MBD5: variants seen among roughly 807,000 people sequenced by gnomAD.
MBD5 encodes the protein methyl-CpG-binding domain protein 5.
A neutral mutation model predicts 117.3 loss-of-function variants in MBD5; 13 were observed. The observed-to-expected ratio is 0.11, with a 90% CI of 0.07 to 0.18. The LOEUF (loss-of-function observed/expected upper bound fraction) is 0.18, where lower values mean the gene tolerates loss of function less well. Ranked by LOEUF, MBD5 falls within the 10% of genes least tolerant of loss-of-function variation. The pLI is 1.00. For synonymous variants in MBD5, 727 were observed against 766.4 expected (o/e 0.95, Z 0.85); for missense variants, 1,879 against 2,093.8 (o/e 0.90, Z 2.00).
chr2:148,162,383 A>G (rs538891043), intron 1 of MBD5, among the ~76,000 whole-genome samples: 3 of 152,310 alleles, frequency 2.0e-5, no homozygotes, highest in African/African-American at 7.2e-5. Context: ...AACTCCAACT[A>G]AGACAACTAC....
At chr2:148,126,231 A>G (rs1391409597) in intron 1 of MBD5, among the ~76,000 whole-genome samples, 1 of 121,626 alleles carries the variant, frequency 8.2e-6, no homozygotes, top group East Asian at 2.6e-4. Context: ...CCTCGTTTCT[A>G]CTAAAAATAA....
At chr2:148,361,573 G>A (rs1703533547) in intron 4 of MBD5, among the ~76,000 whole-genome samples, 1 of 152,138 alleles carries the variant, frequency 6.6e-6, no homozygotes. Flanking sequence ...ACATTGCCCA[G>A]GATCTAGGCT....
Position 148,296,863 on chromosome 2 carries a change from A to ATTTTTTTTTTTTTTTTTTTTT in MBD5, c.-679-45351_-679-45350insTTTTTTTTTTTTTTTTTTTTT, listed in dbSNP as rs1559010681. On this transcript the variant is annotated intron_variant, in intron 3 of 13. Coordinates refer to ENST00000642680, the MANE Select transcript of MBD5 (RefSeq NM_001378120.1). ...TAAGCATAGTTTGCTTTAGTTCTTC[A>ATTTTTTTTTTTTTTTTTTTTT]ATTTTTTTTTTTTTTTTTTTTGGAG... 1.7e-3 allele frequency among the ~76,000 whole-genome samples: 63 copies of ATTTTTTTTTTTTTTTTTTTTT among 37,702 alleles called. 21 individuals carry two copies. Among genetic ancestry groups the ATTTTTTTTTTTTTTTTTTTTT allele is most frequent in the Non-Finnish European group, 2.7e-3 (52 of 18,968 alleles). The allele number at this position is 37,702 out of a possible 152,430, so 24.7% of individuals were successfully genotyped here. A position where few individuals can be genotyped will look rare whatever the true frequency, so the allele number is the denominator to read the frequency against.
At chr2:148,055,937 A>G (rs1349488769) in intron 1 of MBD5, 4 of 152,280 alleles carry the variant, frequency 2.6e-5, no homozygotes, top group African/African-American at 9.6e-5. Flanking sequence ...ACTCTGTTAG[A>G]AATTTCATAA....
chr2:148,195,151 GCTATA>G (rs1698948441), intron 2 of MBD5, among the ~76,000 whole-genome samples: 1 of 148,628 alleles, frequency 6.7e-6, no homozygotes, highest in South Asian at 2.1e-4. Context: ...GTAGACTCCT[GCTATA>G]CTAAATAGAA....
At chr2:148,295,015 T>G (rs1231397690) in intron 3 of MBD5, among the ~76,000 whole-genome samples, 1 of 152,236 alleles carries the variant, frequency 6.6e-6, no homozygotes, top group African/African-American at 2.4e-5. Flanking sequence ...TTGATGTGTC[T>G]GAGTATGATT....
chr2:148,178,623 A>AT (rs981418205), intron 1 of MBD5, 77 bp from the exon 2 acceptor site: 1 of 392,444 alleles, frequency 2.5e-6, no homozygotes. Flanking sequence ...AATAATTTCA[A>AT]TTTTTTTATA....
intron 1 of MBD5, among the ~76,000 whole-genome samples, chr2:148,166,098 T>A (rs1197398698): frequency 1.3e-5 from 2 of 152,168 alleles, no homozygotes; most frequent in Non-Finnish European, 2.9e-5. Flanking sequence ...ATTCTCTAAA[T>A]GTAAGAAAAA....
At chr2:148,109,571 A>G (rs1459542308) in intron 1 of MBD5, among the ~76,000 whole-genome samples, 1 of 152,222 alleles carries the variant, frequency 6.6e-6, no homozygotes, top group Non-Finnish European at 1.5e-5. Context: ...ATGAAAATAT[A>G]CAAATGATCA....
At chr2:148,389,186 G>GGTGTGTGT (rs70995313) in intron 4 of MBD5, among the ~76,000 whole-genome samples, 54 of 89,580 alleles carry the variant, frequency 6.0e-4, no homozygotes, top group Non-Finnish European at 1.0e-3. Context: ...AGTATTCCGT[G>GGTGTGTGT]GTGTGTGTGT....
At chr2:148,225,994 A>G (rs189118442) in intron 2 of MBD5, among the ~76,000 whole-genome samples, 4 of 152,088 alleles carry the variant, frequency 2.6e-5, no homozygotes, top group Admixed American at 2.6e-4. Context: ...GATATCTTTT[A>G]TAGGTTTGGG....
At chr2:148,509,316 G>T (rs572715913) in intron 12 of MBD5, among the ~76,000 whole-genome samples, 1 of 152,326 alleles carries the variant, frequency 6.6e-6, no homozygotes, top group South Asian at 2.1e-4. Flanking sequence ...CCTGATTTTA[G>T]TTCAACAGCT....
intron 12 of MBD5, chr2:148,502,871 G>C (rs1681915601): frequency 2.9e-6 from 1 of 341,166 alleles, no homozygotes; most frequent in Non-Finnish European, 5.5e-6. Flanking sequence ...CAAATACTTT[G>C]GGGAGTAAAT....
chr2:148,323,465 G>A (rs1480103089), intron 3 of MBD5, among the ~76,000 whole-genome samples: 21 of 152,136 alleles, frequency 1.4e-4, no homozygotes, highest in African/African-American at 4.8e-4. Flanking sequence ...CCCACCAACA[G>A]TGTAAAAGTG....
In MBD5 at chr2:148,154,698, G is replaced by C. The variant is rs190679362; in HGVS notation, c.-924-24002G>C. Among the ~76,000 whole-genome samples, 167 of 152,304 alleles carry C rather than the reference G, an allele frequency of 1.1e-3. 1 individual carries two copies. In the Middle Eastern group the frequency reaches 0.02, roughly 19 times the overall value. On this transcript the variant is annotated intron_variant, in intron 1 of 13. Coordinates refer to ENST00000642680, the MANE Select transcript of MBD5 (RefSeq NM_001378120.1). ...CGGGTGGGAGTGACCCGATTTTCCA[G>C]GTGTGTCCGTCACCCCTTTCTTTGA...
At chr2:148,354,239 T>G (rs1457519021) in intron 4 of MBD5, among the ~76,000 whole-genome samples, 5 of 152,126 alleles carry the variant, frequency 3.3e-5, no homozygotes, top group Admixed American at 6.5e-5. Flanking sequence ...ATTAGATAAT[T>G]GTCCTAATGC....
chr2:148,040,609 C>T (rs1694329331), intron 1 of MBD5, among the ~76,000 whole-genome samples: 2 of 152,108 alleles, frequency 1.3e-5, no homozygotes, highest in Non-Finnish European at 2.9e-5. Context: ...ATATAGCCAA[C>T]ATTATTTCTG....
At chr2:148,357,550 T>C (rs1319089150) in intron 4 of MBD5, among the ~76,000 whole-genome samples, 7 of 152,076 alleles carry the variant, frequency 4.6e-5, no homozygotes, top group Admixed American at 2.6e-4. Context: ...TTTAAGTGGG[T>C]ACTCTCTTCT....
chr2:148,275,291 C>T (rs1049674857), intron 3 of MBD5, among the ~76,000 whole-genome samples: 24 of 152,142 alleles, frequency 1.6e-4, no homozygotes, highest in African/African-American at 5.5e-4. Context: ...ATTGCTTCCC[C>T]TCCATCCATT....
Sources: allele counts gnomAD v4.1 joint callset (sites outside exome capture counted in the v4.1 genomes callset), GRCh38; gene constraint gnomAD v4.1.1; transcripts MANE v1.5; gene names NCBI Gene and HGNC (gene_info 2026-07-23, HGNC 2026-07-21).